Variants in FAF1 observed in about 807,000 individuals in gnomAD.
FAF1 encodes FAS-associated factor 1.
In FAF1, 25 loss-of-function variants were observed where a neutral mutation model predicts 92.5. That is an observed-to-expected ratio of 0.27 (90% confidence interval 0.20 to 0.38). The LOEUF (loss-of-function observed/expected upper bound fraction) is 0.38, where lower values mean the gene tolerates loss of function less well. Among genes scored for constraint, FAF1 ranks in the 10% least tolerant of loss-of-function variants. The pLI, the probability that FAF1 is intolerant of heterozygous loss-of-function variation, is 1.00. For missense variants in FAF1, 636 were observed against 793.3 expected (o/e 0.80, Z 2.38); for synonymous variants, 234 against 273.2 (o/e 0.86, Z 1.42).
intron 3 of FAF1, among the ~76,000 whole-genome samples, chr1:50,793,292 T>A (rs1173251688): frequency 6.6e-6 from 1 of 152,222 alleles, no homozygotes; most frequent in African/African-American, 2.4e-5. Context: ...ATTAAGACAC[T>A]TGCAGCTGTT....
intron 8 of FAF1, among the ~76,000 whole-genome samples, chr1:50,601,957 G>C (rs1326079377): frequency 6.6e-6 from 1 of 151,874 alleles, no homozygotes; most frequent in Non-Finnish European, 1.5e-5. Context: ...ACCTGTTATG[G>C]GACCTTGGGT....
At chr1:50,708,317 G>A (rs1222344727) in intron 6 of FAF1, among the ~76,000 whole-genome samples, 1 of 152,162 alleles carries the variant, frequency 6.6e-6, no homozygotes, top group African/African-American at 2.4e-5. Context: ...ATATATTTTA[G>A]AGGTGGAAGT....
At chr1:50,656,576 C>A (rs957129274) in intron 7 of FAF1, among the ~76,000 whole-genome samples, 2 of 152,128 alleles carry the variant, frequency 1.3e-5, no homozygotes, top group African/African-American at 2.4e-5. Context: ...TTAAACTCTA[C>A]GTCAGCCAGT....
At chr1:50,913,938 A>G (rs991337411) in intron 1 of FAF1, among the ~76,000 whole-genome samples, 1 of 152,216 alleles carries the variant, frequency 6.6e-6, no homozygotes, top group Non-Finnish European at 1.5e-5. Flanking sequence ...GTATCCTACC[A>G]GGAAGAAGAT....
chr1:50,521,302 T>C (rs1647488285), intron 15 of FAF1, among the ~76,000 whole-genome samples: 1 of 152,166 alleles, frequency 6.6e-6, no homozygotes, highest in African/African-American at 2.4e-5. Context: ...CTCGCAAACA[T>C]GGCCATATAA....
intron 2 of FAF1, among the ~76,000 whole-genome samples, chr1:50,826,545 C>A (rs1452053304): frequency 6.9e-6 from 1 of 145,312 alleles, no homozygotes. Context: ...AGTGAGACTC[C>A]GTCTCAAAAA....
chr1:50,642,158 G>A (rs1002153617), intron 8 of FAF1, among the ~76,000 whole-genome samples: 2 of 146,518 alleles, frequency 1.4e-5, no homozygotes, highest in African/African-American at 5.1e-5. Flanking sequence ...AGCCAAGACT[G>A]TGCCACTGCA....
chr1:50,518,642 G>A (rs1253380594), intron 15 of FAF1, among the ~76,000 whole-genome samples: 2 of 151,892 alleles, frequency 1.3e-5, no homozygotes, highest in African/African-American at 4.8e-5. Context: ...GAGTTTCACC[G>A]TGTTAGCCAG....
chr1:50,727,660 TC>T (rs1328373997), intron 6 of FAF1, among the ~76,000 whole-genome samples: 1 of 152,200 alleles, frequency 6.6e-6, no homozygotes, highest in African/African-American at 2.4e-5. Flanking sequence ...AAAGTATTGC[TC>T]CCTTGACTGA....
At chr1:50,545,097 T>C (rs1572822579) in intron 13 of FAF1, among the ~76,000 whole-genome samples, 2 of 152,204 alleles carry the variant, frequency 1.3e-5, no homozygotes, top group African/African-American at 2.4e-5. Flanking sequence ...GGAAATTTTC[T>C]GAATTCCAAA....
chr1:50,526,626 T>C (rs1647820071), intron 15 of FAF1, among the ~76,000 whole-genome samples: 1 of 151,734 alleles, frequency 6.6e-6, no homozygotes, highest in South Asian at 2.1e-4. Flanking sequence ...TTATTATGAA[T>C]AATGCTACTA....
At chr1:50,567,812 G>T (rs1241723987) in intron 12 of FAF1, among the ~76,000 whole-genome samples, 3 of 151,988 alleles carry the variant, frequency 2.0e-5, no homozygotes, top group Non-Finnish European at 4.4e-5. Flanking sequence ...ACATGTAATT[G>T]ACATTTGAAG....
chr1:50,751,326 C>A (rs1443109438), intron 4 of FAF1, among the ~76,000 whole-genome samples: 1 of 151,966 alleles, frequency 6.6e-6, no homozygotes, highest in Non-Finnish European at 1.5e-5. Flanking sequence ...TTCAGCATTT[C>A]TATTTGTTTG....
At chr1:50,952,343 C>T (rs1645222275) in intron 1 of FAF1, among the ~76,000 whole-genome samples, 1 of 152,248 alleles carries the variant, frequency 6.6e-6, no homozygotes, top group Admixed American at 6.5e-5. Context: ...CTCCTGACCG[C>T]GAGTGATCTG....
In FAF1 at chr1:50,819,702, T is replaced by C. The variant is rs535543228; in HGVS notation, c.115-18025A>G. 1.5e-3 allele frequency among the ~76,000 whole-genome samples: 74 copies of C among 50,710 alleles called. 2 individuals carry two copies. Among genetic ancestry groups the C allele is most frequent in the South Asian group, 8.6e-3 (16 of 1,850 alleles). 33.3% of individuals were successfully genotyped at this position (50,710 alleles called of 152,430 possible). On this transcript the variant is annotated intron_variant, in intron 2 of 18. Transcript: ENST00000396153. ...CTGTATATATATATACATATATATATACATATATATATACGTATATATATA... is the reference window on the plus strand; with the variant it reads ...CTGTATATATATATACATATATATACACATATATATATACGTATATATATA...
At chr1:50,951,910 G>A (rs1645216872) in intron 1 of FAF1, among the ~76,000 whole-genome samples, 1 of 152,164 alleles carries the variant, frequency 6.6e-6, no homozygotes, top group African/African-American at 2.4e-5. Flanking sequence ...AGAAAGAAGT[G>A]GGATTCACAA....
intron 5 of FAF1, among the ~76,000 whole-genome samples, chr1:50,739,524 CACAA>C (rs918401991): frequency 4.6e-5 from 7 of 152,094 alleles, no homozygotes; most frequent in Non-Finnish European, 1.0e-4. Context: ...CATGAAGCAA[CACAA>C]ACAGATAAGA....
chr1:50,889,882 C>T lies in FAF1; in HGVS notation c.46-31885G>A, dbSNP rs188887148. 2.3e-3 allele frequency among the ~76,000 whole-genome samples: 349 copies of T among 152,152 alleles called. 3 individuals are homozygous for T. Among genetic ancestry groups the T allele is most frequent in the African/African-American group, 7.4e-3 (306 of 41,498 alleles). ...GAGTTCTGTAGATGTCTATTAGGTC[C>T]GCTTGATGCAGAGCTGAGTTCTATT... On this transcript the variant is annotated intron_variant, in intron 1 of 18. Transcript: ENST00000396153.
At chr1:50,479,248 C>T (rs866810132) in intron 17 of FAF1, among the ~76,000 whole-genome samples, 3 of 144,238 alleles carry the variant, frequency 2.1e-5, no homozygotes, top group Non-Finnish European at 3.1e-5. Context: ...GCCGCCACAC[C>T]ACACTGCTCT....
Sources: gnomAD v4.1 joint callset for allele counts (sites outside exome capture counted in the v4.1 genomes callset) on GRCh38, gnomAD v4.1.1 for gene constraint, MANE v1.5 for transcripts, NCBI Gene and HGNC (gene_info 2026-07-23, HGNC 2026-07-21) for gene names.